Variants in RBM26 observed in about 807,000 individuals in gnomAD.
RBM26 encodes RNA binding motif protein 26.
Under a neutral mutation model 123.6 loss-of-function variants are expected in RBM26, and 30 were observed. The observed-to-expected ratio is 0.24, with a 90% CI of 0.18 to 0.33. The LOEUF is 0.33. Among genes scored for constraint, RBM26 ranks in the 10% least tolerant of loss-of-function variants. The pLI is 1.00. For synonymous variants in RBM26, 400 were observed against 404.4 expected (o/e 0.99, Z 0.13); for missense variants, 947 against 1,203.6 (o/e 0.79, Z 3.15).
intron 1 of RBM26, among the ~76,000 whole-genome samples, chr13:79,379,291 T>C (rs2076889631): frequency 6.8e-6 from 1 of 146,654 alleles, no homozygotes; most frequent in Non-Finnish European, 1.5e-5. Flanking sequence ...GACAGCACCT[T>C]GGGAGACCTA....
At chr13:79,368,289 GTGC>G (rs372044229) in intron 6 of RBM26, among the ~76,000 whole-genome samples, 17 of 152,292 alleles carry the variant, frequency 1.1e-4, no homozygotes, top group East Asian at 7.7e-4. Context: ...ACCTCCTAAA[GTGC>G]TGGGATTACA....
chr13:79,395,853 T>A (rs1408655), intron 1 of RBM26, among the ~76,000 whole-genome samples: 150,212 of 152,210 alleles, frequency 0.99, 74,161 homozygotes, highest in East Asian at 1. Context: ...GATAATATCA[T>A]ATAATCTAAC....
At position 79,337,240 on chromosome 13, in the gene RBM26, A is replaced by C. The variant is rs1175982744; in HGVS notation, c.2595T>G (p.Gly865=). The part of the protein sequence containing the change: ...RGRGIHSRGR[G]AVHGRGRGRG... ...GCCCCCTGCCTCGGCCATGAACTGC[A>C]CCTCGACCTCTTGAATGAATTCCTC... The change falls in exon 19 of 22, where the codon GGT becomes GGG. Residue 865 remains glycine (G), a synonymous_variant. Transcript: ENST00000438737. 6.2e-7 allele frequency: 1 copy of C among 1,614,140 alleles called. No homozygotes were observed. Among genetic ancestry groups the C allele is most frequent in the Non-Finnish European group, 8.5e-7 (1 of 1,180,016 alleles).
At chr13:79,360,263 C>T (rs2074519784) in intron 9 of RBM26, among the ~76,000 whole-genome samples, 1 of 152,004 alleles carries the variant, frequency 6.6e-6, no homozygotes, top group Admixed American at 6.6e-5. Context: ...TGTGGTTTTA[C>T]ACACGAGGAG....
chr13:79,390,588 T>C (rs916450386), intron 1 of RBM26, among the ~76,000 whole-genome samples: 1 of 152,142 alleles, frequency 6.6e-6, no homozygotes, highest in Non-Finnish European at 1.5e-5. Flanking sequence ...GTATCTGTAT[T>C]CTAAAATTAA....
At chr13:79,376,775 T>C (rs1281330075) in intron 3 of RBM26, 1 of 152,312 alleles carries the variant, frequency 6.6e-6, no homozygotes, top group Non-Finnish European at 1.5e-5. Flanking sequence ...TGTAAGATAT[T>C]GTGCAGAGTA....
In RBM26 at chr13:79,354,524, T is replaced by G. The variant is rs1276445529; in HGVS notation, c.1901A>C (p.Gln634Pro). Residue 634 changes from glutamine to proline, a missense_variant, in exon 13 of 22, where the codon CAG (glutamine) becomes CCG (proline). Physicochemically the swap from Gln to Pro is moderately conservative, Grantham distance 76. Coordinates refer to ENST00000438737, the MANE Select transcript of RBM26 (RefSeq NM_001366735.2). ...TGGACCCAGCCGCTCTTTGACTGAC[T>G]GCTTCACAACAGGCAAAATGGGCTG... Reference protein sequence around the residue: ...VQQPILPVVKQSVKERLGPVP... With the variant: ...VQQPILPVVKPSVKERLGPVP... 1.2e-6 allele frequency: 2 copies of G among 1,609,244 alleles called. No individual in the cohort carries two copies.
chr13:79,358,299 C>T lies in RBM26; in HGVS notation c.1664G>A (p.Arg555Gln), dbSNP rs371759116. Residue 555 changes from arginine (R) to glutamine (Q), a missense_variant, in exon 11 of 22, where the codon CGA becomes CAA. This residue lies in a region of RBM26 where 493 missense variants were observed against 563.1 expected (regional missense o/e 0.88). Coordinates refer to ENST00000438737, the MANE Select transcript of RBM26 (RefSeq NM_001366735.2). The stretch of plus-strand genomic sequence containing the variant: ...CTGTAAGTTAACCAAGGTTCCAAAT[C>T]GACTAAAATGTTCATTAAGTTTGCT... ...NISKLNEHFS[R>Q]FGTLVNLQVA... The T allele has an allele frequency of 2.2e-5, 36 of 1,606,838 alleles. No individual in the cohort carries two copies. The highest frequency in any genetic ancestry group is 2.8e-5 in the Non-Finnish European group (33 of 1,177,704).
At chr13:79,391,942 T>C (rs2078033714) in intron 1 of RBM26, among the ~76,000 whole-genome samples, 1 of 147,222 alleles carries the variant, frequency 6.8e-6, no homozygotes, top group Non-Finnish European at 1.5e-5. Context: ...TATATAATTA[T>C]ATATTATACA....
Position 79,319,369 on chromosome 13 carries a change from A to G in RBM26, c.*1252T>C, listed in dbSNP as rs2067436466. ...ATATGTAATCTCCCACCCCCATTCT[A>G]CAAAGAATGCATTTATTTCCTGGAA... On this transcript the variant is annotated 3_prime_UTR_variant, in exon 22 of 22. Transcript: ENST00000438737. 2.0e-6 allele frequency: 2 copies of G among 983,776 alleles called. No homozygotes were observed. Among genetic ancestry groups the G allele is most frequent in the Admixed American group, 6.2e-5 (1 of 16,130 alleles). The allele number at this position is 983,776 out of a possible 1,614,324, so 60.9% of individuals were successfully genotyped here.
intron 10 of RBM26, among the ~76,000 whole-genome samples, chr13:79,359,014 T>C (rs1219862007): frequency 6.6e-6 from 1 of 152,244 alleles, no homozygotes; most frequent in African/African-American, 2.4e-5. Context: ...CTATCCATTA[T>C]TAAGTAGATG....
At chr13:79,338,456 A>C (rs1449649136) in intron 18 of RBM26, among the ~76,000 whole-genome samples, 5 of 152,182 alleles carry the variant, frequency 3.3e-5, no homozygotes, top group Non-Finnish European at 7.4e-5. Context: ...AAAAGGCAAG[A>C]ATGAGGTAGG....
At chr13:79,337,081 T>C (rs1160955952) in intron 19 of RBM26, 21 bp downstream of exon 19, 1 of 1,603,300 alleles carries the variant, frequency 6.2e-7, no homozygotes, top group South Asian at 1.1e-5. Context: ...GCATTTGTTT[T>C]GTTGAGCAGT....
chr13:79,337,130 T>C lies in RBM26; in HGVS notation c.2705A>G (p.Asp902Gly). The C allele has an allele frequency of 2.5e-6, 4 of 1,614,104 alleles. No individual in the cohort carries two copies. The highest frequency in any genetic ancestry group is 3.4e-6 in the Non-Finnish European group (4 of 1,180,006). ...AAAATGAGGAAGAAGATCTTCTCTA[T>C]CGCTCTCCGTAAATGCAGAAATCTC... ...ALEISAFTES[D>G]REDLLPHFAQ... The change falls in exon 19 of 22, where the codon GAT becomes GGT. Residue 902 changes from aspartate (D) to glycine (G), a missense_variant. Physicochemically the swap from Asp to Gly is moderately conservative, Grantham distance 94. Around this residue, in one of 5 missense-constraint regions of RBM26, gnomAD observed 164 missense variants for 215.3 expected, o/e 0.76. Transcript: ENST00000438737.
At chr13:79,380,809 T>C (rs1293126694) in intron 1 of RBM26, among the ~76,000 whole-genome samples, 1 of 152,074 alleles carries the variant, frequency 6.6e-6, no homozygotes, top group African/African-American at 2.4e-5. Context: ...GTAACCACTA[T>C]TCTACTTTCT....
intron 14 of RBM26, among the ~76,000 whole-genome samples, chr13:79,345,842 G>C (rs1030183168): frequency 2.6e-5 from 4 of 151,422 alleles, no homozygotes; most frequent in African/African-American, 9.7e-5. Flanking sequence ...TCTATACAAC[G>C]GTCAGCTCAA....
chr13:79,328,684 A>T (rs1184863553), intron 20 of RBM26, among the ~76,000 whole-genome samples: 4 of 47,954 alleles, frequency 8.3e-5, no homozygotes, highest in Non-Finnish European at 4.9e-5. Context: ...TGCATTAAGT[A>T]AAAAAAAAAA....
At chr13:79,311,877 A>G (rs1566254851) in exon 5 of RBM26, 2 of 152,108 alleles carry the variant, frequency 1.3e-5, no homozygotes, top group East Asian at 1.9e-4. Context: ...TAAAAATAAT[A>G]AACAATATGG....
chr13:79,344,405 G>A (rs2071943180), intron 15 of RBM26, 83 bp from the exon 16 acceptor site: 2 of 1,086,204 alleles, frequency 1.8e-6, no homozygotes, highest in Non-Finnish European at 2.8e-6. Flanking sequence ...AGTTGTAACT[G>A]CAGAAGTCTG....
Sources: allele counts gnomAD v4.1 joint callset (sites outside exome capture counted in the v4.1 genomes callset), GRCh38; gene constraint gnomAD v4.1.1; regional missense constraint gnomAD v4.1.1; transcripts MANE v1.5; gene names NCBI Gene and HGNC (gene_info 2026-07-23, HGNC 2026-07-21).